Variants in PRG4 observed in about 807,000 individuals in gnomAD.
PRG4 encodes articular superficial zone protein.
A neutral mutation model predicts 91.2 loss-of-function variants in PRG4; 61 were observed. The observed-to-expected ratio is 0.67, with a 90% confidence interval of 0.54 to 0.83. The LOEUF is 0.83. Ranked by LOEUF, PRG4 falls within the 40% of genes least tolerant of loss-of-function variation. The pLI, the probability that PRG4 is intolerant of heterozygous loss-of-function variation, is 0.00. For missense variants in PRG4, 1,564 were observed against 1,714.2 expected (o/e 0.91, Z 1.55); for synonymous variants, 576 against 614.2 (o/e 0.94, Z 0.92).
Position 186,307,896 on chromosome 1 carries a change from A to G in PRG4, c.2177A>G (p.Lys726Arg), listed in dbSNP as rs750408579. 6.6e-7 allele frequency: 1 copy of G among 1,522,068 alleles called. No homozygotes were observed. The highest frequency in any genetic ancestry group is 8.9e-7 in the Non-Finnish European group (1 of 1,126,872). The allele number at this position is 1,522,068 out of a possible 1,614,324, so 94.3% of individuals were successfully genotyped here. A position where few individuals can be genotyped will look rare whatever the true frequency, so the allele number is the denominator to read the frequency against. ...TLKEPAPTTP[K>R]KPAPKELAPT... ...AAGGAACCTGCACCCACTACTCCCA[A>G]GAAGCCTGCCCCCAAGGAGCTTGCA... Residue 726 changes from lysine (K) to arginine (R), a missense_variant, in exon 7 of 13, where the codon AAG becomes AGG. Around this residue, in one of 3 missense-constraint regions of PRG4, gnomAD observed 1,079 missense variants for 1,162.2 expected, o/e 0.93. Coordinates refer to ENST00000445192, the MANE Select transcript of PRG4 (RefSeq NM_005807.6).
chr1:186,301,784 A>C (rs1003406746), intron 4 of PRG4, 73 bp downstream of exon 4: 5 of 1,535,126 alleles, frequency 3.3e-6, no homozygotes, highest in Non-Finnish European at 3.6e-6. Context: ...ATCACTGATA[A>C]TGTCTAACAC....
chr1:186,305,003 G>A, intron 6 of PRG4, 81 bp downstream of exon 6: 2 of 1,418,230 alleles, frequency 1.4e-6, no homozygotes, highest in South Asian at 2.4e-5. Context: ...CGTGTTGGCA[G>A]AATGAGGACA....
rs940735533 is a variant in PRG4, at chr1:186,309,922, A to C, written c.3499+52A>C. ...TTCTCATCATTCTGTTTTGGCATTT[A>C]TGAGAACCAAAGCCGTGGAAGAGTG... On this transcript the variant is annotated intron_variant, in intron 8 of 12. Transcript: ENST00000445192. 8 of 1,493,832 alleles carry C rather than the reference A, an allele frequency of 5.4e-6. No individual in the cohort carries two copies. In the African/African-American group the frequency reaches 8.3e-5, roughly 15 times the overall value. The allele number at this position is 1,493,832 out of a possible 1,614,324, so 92.5% of individuals were successfully genotyped here. A position where few individuals can be genotyped will look rare whatever the true frequency, so the allele number is the denominator to read the frequency against.
Position 186,304,255 on chromosome 1 carries a change from A to C in PRG4, c.467A>C (p.Glu156Ala), listed in dbSNP as rs769998363. The C allele has an allele frequency of 1.9e-6, 3 of 1,612,390 alleles. No individual in the cohort carries two copies. Among genetic ancestry groups the C allele is most frequent in the Non-Finnish European group, 2.5e-6 (3 of 1,178,580 alleles). The change falls in exon 5 of 13, where the codon GAA becomes GCA. Residue 156 changes from glutamate to alanine, a missense_variant and splice_region_variant. This residue lies in a region of PRG4 where 437 missense variants were observed against 459.0 expected (regional missense o/e 0.95). Transcript: ENST00000445192. ...KKVIESEEITEEHSVSENQES... is the reference protein window; with the variant it reads ...KKVIESEEITAEHSVSENQES... ...GTTATAGAATCAGAGGAAATAACAG[A>C]AGGTAGGAAGATGACAGATATAATC...
rs543150876 is a variant in PRG4, at chr1:186,312,124, G to A, written c.3794-51G>A. On this transcript the variant is annotated intron_variant, in intron 10 of 12. Transcript: ENST00000445192. ...AAAAGTTGTTTTCCACCTTTTCTGA[G>A]GGTATTAAAATTAATTTTCATTTTC... 9.1e-6 allele frequency: 14 copies of A among 1,534,190 alleles called. No homozygotes were observed. In the East Asian group the frequency reaches 2.9e-4, roughly 32 times the overall value.
chr1:186,303,510 A>C (rs1396218256), intron 4 of PRG4, among the ~76,000 whole-genome samples: 1 of 151,878 alleles, frequency 6.6e-6, no homozygotes, highest in East Asian at 1.9e-4. Context: ...TGAGAAGCGG[A>C]AAAGGGAAGG....
At position 186,307,175 on chromosome 1, in the gene PRG4, GCCC is replaced by G. The variant is rs1557944846; in HGVS notation, c.1459_1461del (p.Pro487del). The G allele has an allele frequency of 8.3e-7, 1 of 1,205,712 alleles. No homozygotes were observed. The highest frequency in any genetic ancestry group is 1.0e-6 in the Non-Finnish European group (1 of 953,330). 74.7% of individuals were successfully genotyped at this position (1,205,712 alleles called of 1,614,324 possible). A position where few individuals can be genotyped will look rare whatever the true frequency, so the allele number is the denominator to read the frequency against. Reference sequence around the variant, plus strand: ...CACTCCCAAAGAGCCTGCACCCACTGCCCCCAAGAAGCCTGCCCCAACTACCCC... The same window carrying G: ...CACTCCCAAAGAGCCTGCACCCACTGCCAAGAAGCCTGCCCCAACTACCCC... On this transcript the variant is annotated inframe_deletion, in exon 7 of 13. Coordinates refer to ENST00000445192, the MANE Select transcript of PRG4 (RefSeq NM_005807.6).
intron 4 of PRG4, among the ~76,000 whole-genome samples, chr1:186,303,651 A>G (rs1027901340): frequency 1.3e-5 from 2 of 152,146 alleles, no homozygotes; most frequent in Non-Finnish European, 2.9e-5. Context: ...AACTTTTGTA[A>G]TTAAAAAAAG....
chr1:186,313,654 T>TA, intron 12 of PRG4, 27 bp from the exon 13 acceptor site: 1 of 1,412,820 alleles, frequency 7.1e-7, no homozygotes, highest in Non-Finnish European at 1.0e-6. Context: ...TCTTTTTAAC[T>TA]AAAAAAATGT....
At chr1:186,312,674 G>A (rs1390205617) in intron 11 of PRG4, 95 bp from the exon 12 acceptor site, 2 of 1,329,900 alleles carry the variant, frequency 1.5e-6, no homozygotes, top group Non-Finnish European at 2.2e-6. Context: ...ACATCAGAGG[G>A]CTAAAACTGA....
Position 186,306,754 on chromosome 1 carries a change from C to T in PRG4, c.1035C>T (p.Thr345=), listed in dbSNP as rs756404460. The stretch of plus-strand genomic sequence containing the variant: ...CTACAACCAAAGGCCCTGCTCTCAC[C>T]ACTCCCAAGGAGCCCACGCCCACCA... ...AETTTKGPAL[T]TPKEPTPTTP... Residue 345 remains threonine (T), a synonymous_variant, in exon 7 of 13, where the codon ACC becomes ACT. Transcript: ENST00000445192. The T allele has an allele frequency of 6.2e-7, 1 of 1,613,542 alleles. No individual in the cohort carries two copies. Among genetic ancestry groups the T allele is most frequent in the Non-Finnish European group, 8.5e-7 (1 of 1,179,732 alleles).
chr1:186,309,783 A>T lies in PRG4; in HGVS notation c.3422-10A>T. 6.2e-7 allele frequency: 1 copy of T among 1,603,054 alleles called. No homozygotes were observed. The highest frequency in any genetic ancestry group is 8.5e-7 in the Non-Finnish European group (1 of 1,170,058). ...TTCTATATTTGTTTTGTTTTTGTTAATTTGTTTAGATGAGACCAATATATG... is the reference window on the plus strand; with the variant it reads ...TTCTATATTTGTTTTGTTTTTGTTATTTTGTTTAGATGAGACCAATATATG... On this transcript the variant is annotated splice_polypyrimidine_tract_variant and intron_variant, in intron 7 of 12. Coordinates refer to ENST00000445192, the MANE Select transcript of PRG4 (RefSeq NM_005807.6).
chr1:186,296,911 G>A lies in PRG4; in HGVS notation c.36G>A (p.Leu12=), dbSNP rs1458301361. 2 of 1,613,998 alleles carry A rather than the reference G, an allele frequency of 1.2e-6. No homozygotes were observed. Among genetic ancestry groups the A allele is most frequent in the East Asian group, 4.5e-5 (2 of 44,854 alleles). ...AWKTLPIYLL[L]LLSVFVIQQV... Reference sequence around the variant, plus strand: ...AAACACTTCCCATTTACCTGTTGTTGCTGCTGTCTGTTTTCGTGATTCAGC... The same window carrying A: ...AAACACTTCCCATTTACCTGTTGTTACTGCTGTCTGTTTTCGTGATTCAGC... Residue 12 remains leucine (L), a synonymous_variant, in exon 2 of 13, where the codon TTG becomes TTA. Coordinates refer to ENST00000445192, the MANE Select transcript of PRG4 (RefSeq NM_005807.6).
At position 186,304,849 on chromosome 1, in the gene PRG4, T is replaced by C. The variant is rs201685255; in HGVS notation, c.525T>C (p.Ser175=). ...CCTCCTCCTCCTCCTCTTCCTCTTC[T>C]TCTTCAACAATTCGGAAAATCAAGT... ...ESSSSSSSSS[S]SSTIRKIKSS... is the part of the protein sequence containing the mutation. Residue 175 remains serine, a synonymous_variant, in exon 6 of 13, where the codon TCT becomes TCC. Coordinates refer to ENST00000445192, the MANE Select transcript of PRG4 (RefSeq NM_005807.6). The C allele has an allele frequency of 2.5e-6, 4 of 1,612,460 alleles. No homozygotes were observed. Among genetic ancestry groups the C allele is most frequent in the Non-Finnish European group, 2.5e-6 (3 of 1,178,638 alleles).
At chr1:186,312,988 G>GT in intron 12 of PRG4, 94 bp downstream of exon 12, 1 of 1,327,600 alleles carries the variant, frequency 7.5e-7, no homozygotes, top group East Asian at 2.3e-5. Flanking sequence ...ATGACTGAAT[G>GT]TGAGAAGTTA....
chr1:186,298,873 TATATA>T (rs557707896), intron 2 of PRG4, among the ~76,000 whole-genome samples: 209 of 152,134 alleles, frequency 1.4e-3, no homozygotes, highest in Admixed American at 3.0e-3. Context: ...TTTTTCTTTA[TATATA>T]ATATATGTAT....
intron 8 of PRG4, among the ~76,000 whole-genome samples, chr1:186,310,351 TTTAGA>T (rs1657101668): frequency 6.6e-6 from 1 of 152,192 alleles, no homozygotes; most frequent in Non-Finnish European, 1.5e-5. Context: ...TTGAAACATA[TTTAGA>T]TTAAATCTGA....
intron 8 of PRG4, among the ~76,000 whole-genome samples, chr1:186,310,504 A>G (rs1657119782): frequency 6.6e-6 from 1 of 152,104 alleles, no homozygotes; most frequent in Non-Finnish European, 1.5e-5. Context: ...CTTTTTTGAG[A>G]CCGGATCTCC....
Position 186,301,680 on chromosome 1 carries a change from C to A in PRG4, c.288C>A (p.Cys96Ter). The change falls in exon 4 of 13, where the codon TGC becomes TGA. Residue 96 changes from cysteine to a stop codon, truncating the protein, a stop_gained. Transcript: ENST00000445192. LOFTEE classifies it high-confidence loss of function. ...CDAQCKKYDK[C>*]CPDYESFCAE... Reference sequence around the variant, plus strand: ...CCCAATGTAAGAAGTATGACAAGTGCTGTCCCGATTATGAGAGTTTCTGTG... The same window carrying A: ...CCCAATGTAAGAAGTATGACAAGTGATGTCCCGATTATGAGAGTTTCTGTG... 1 of 1,613,694 alleles carries A rather than the reference C, an allele frequency of 6.2e-7. No individual in the cohort carries two copies. The highest frequency in any genetic ancestry group is 8.5e-7 in the Non-Finnish European group (1 of 1,179,654).
Sources: gnomAD v4.1 joint callset for allele counts (sites outside exome capture counted in the v4.1 genomes callset) on GRCh38, gnomAD v4.1.1 for gene constraint, gnomAD v4.1.1 regional missense constraint, MANE v1.5 for transcripts, NCBI Gene and HGNC (gene_info 2026-07-23, HGNC 2026-07-21) for gene names.